The following KIF14 variants were observed in gnomAD, a reference collection of about 807,000 sequenced individuals.
KIF14 encodes kinesin-like protein KIF14.
KIF14 carries 98 observed loss-of-function variants against 176.2 expected under a neutral mutation model. That is an observed-to-expected ratio of 0.56 (90% confidence interval 0.47 to 0.66). The LOEUF (loss-of-function observed/expected upper bound fraction) is 0.66. Among genes scored for constraint, KIF14 ranks in the 30% least tolerant of loss-of-function variants. The pLI is 0.00. For missense variants in KIF14, 1,751 were observed against 1,920.4 expected, an observed-to-expected ratio of 0.91 and a Z score of 1.65; for synonymous variants, 566 against 632.2, an observed-to-expected ratio of 0.90 and a Z score of 1.57.
rs534268829 is a variant in KIF14 at position 200,572,542 on chromosome 1, A to C, written c.3567-2537T>G. ...GTATTTTTAGTAGAGACGGGGTTTC[A>C]CCGTGTTAGCCAGGATGGTCTCAAT... On this transcript the variant is annotated intron_variant, in intron 22 of 29. Coordinates refer to ENST00000367350, the MANE Select transcript of KIF14 (RefSeq NM_014875.3). Among the ~76,000 whole-genome samples the C allele has an allele frequency of 8.5e-5, 13 of 152,192 alleles. No individual in the cohort carries two copies. In the East Asian group the frequency reaches 2.5e-3, roughly 29 times the overall value.
chr1:200,570,077 G>T, intron 22 of KIF14, 72 bp from the exon 23 acceptor site: 1 of 707,018 alleles, frequency 1.4e-6, no homozygotes, highest in Non-Finnish European at 2.3e-6. Context: ...ATATTTATAA[G>T]TTCTCTAAAG....
chr1:200,573,457 G>T (rs61425725), intron 22 of KIF14, among the ~76,000 whole-genome samples: 2,189 of 85,992 alleles, frequency 0.025, 74 homozygotes, highest in African/African-American at 0.1. Flanking sequence ...TTTTTGAGAC[G>T]GAGTCCCGCT....
intron 25 of KIF14, among the ~76,000 whole-genome samples, chr1:200,561,545 A>C (rs1197243675): frequency 6.8e-6 from 1 of 146,530 alleles, no homozygotes; most frequent in East Asian, 2.0e-4. Flanking sequence ...TGTCTCACTG[A>C]TTTTCAAAAG....
intron 12 of KIF14, 119 bp downstream of exon 12, chr1:200,600,237 G>T (rs954620516): frequency 7.4e-6 from 9 of 1,211,816 alleles, no homozygotes; most frequent in Non-Finnish European, 1.1e-5. Context: ...TAATCTGGGA[G>T]TGGGCTGCTC....
rs764858855 is a variant in KIF14, at chr1:200,618,291, G to T, written c.433C>A (p.Leu145Met). 5 of 1,613,716 alleles carry T rather than the reference G, an allele frequency of 3.1e-6. No individual in the cohort carries two copies. The South Asian group carries it at 5.5e-5, about 18-fold the overall frequency. The change falls in exon 2 of 30, where the codon CTG (leucine) becomes ATG (methionine). Residue 145 changes from leucine (L) to methionine (M), a missense_variant. Transcript: ENST00000367350. Reference sequence around the variant, plus strand: ...TTTTCTGTTTCACCTCCCACATTCAGTGTCATTTTGACAGAATCTATTTCA... The same window carrying T: ...TTTTCTGTTTCACCTCCCACATTCATTGTCATTTTGACAGAATCTATTTCA... ...TAEIDSVKMT[L>M]NVGGETENNG...
rs200046579 is a variant in KIF14, at chr1:200,603,352, GA to G, written c.1864-12del. The G allele has an allele frequency of 7.5e-4, 1,021 of 1,359,544 alleles. No homozygotes were observed. Among genetic ancestry groups the G allele is most frequent in the South Asian group, 1.2e-3 (93 of 74,428 alleles). 84.2% of individuals were successfully genotyped at this position (1,359,544 alleles called of 1,614,324 possible). A position where few individuals can be genotyped will look rare whatever the true frequency, so the allele number is the denominator to read the frequency against. On this transcript the variant is annotated splice_polypyrimidine_tract_variant and intron_variant, in intron 9 of 29. Coordinates refer to ENST00000367350, the MANE Select transcript of KIF14 (RefSeq NM_014875.3). Reference sequence around the variant, plus strand: ...AATACTCACACCTTCCTGCATGCAAGAAAAAAAAAATTTTTAACTTAAAATA... The same window carrying G: ...AATACTCACACCTTCCTGCATGCAAGAAAAAAAAATTTTTAACTTAAAATA...
chr1:200,561,009 T>C, intron 25 of KIF14, 129 bp from the exon 26 acceptor site: 1 of 723,896 alleles, frequency 1.4e-6, no homozygotes, highest in Non-Finnish European at 2.3e-6. Flanking sequence ...GGCGGGTGGA[T>C]CGCCTGAGGT....
chr1:200,575,318 C>A (rs1325470572), intron 22 of KIF14, among the ~76,000 whole-genome samples: 1 of 152,012 alleles, frequency 6.6e-6, no homozygotes, highest in East Asian at 1.9e-4. Flanking sequence ...ATTTATGCTA[C>A]TCTAAGTTGC....
intron 4 of KIF14, among the ~76,000 whole-genome samples, chr1:200,609,767 A>AT (rs1660062346): frequency 1.3e-5 from 2 of 152,258 alleles, no homozygotes; most frequent in African/African-American, 4.8e-5. Context: ...ACTATTCACA[A>AT]TAGCCAAAAG....
chr1:200,607,658 G>A (rs937574874), intron 5 of KIF14, among the ~76,000 whole-genome samples: 1 of 152,106 alleles, frequency 6.6e-6, no homozygotes, highest in East Asian at 1.9e-4. Flanking sequence ...TCTTGATGTT[G>A]CCAATAGTAA....
At chr1:200,555,641 T>C (rs1656793721) in intron 27 of KIF14, among the ~76,000 whole-genome samples, 187 bp from the exon 28 acceptor site, 1 of 152,232 alleles carries the variant, frequency 6.6e-6, no homozygotes, top group Admixed American at 6.5e-5. Context: ...TCTTCAAAAA[T>C]AAATTGCACA....
chr1:200,570,869 C>T (rs1008163027), intron 22 of KIF14, among the ~76,000 whole-genome samples: 1 of 151,996 alleles, frequency 6.6e-6, no homozygotes, highest in African/African-American at 2.4e-5. Context: ...AGGCATAATA[C>T]CTGATGGTAT....
intron 23 of KIF14, among the ~76,000 whole-genome samples, chr1:200,569,160 G>C (rs1189645325): frequency 6.6e-6 from 1 of 151,914 alleles, no homozygotes; most frequent in African/African-American, 2.4e-5. Flanking sequence ...CCCGACCTCA[G>C]GTGATTCACC....
chr1:200,592,360 T>A, intron 15 of KIF14, 120 bp from the exon 16 acceptor site: 2 of 726,256 alleles, frequency 2.8e-6, no homozygotes, highest in South Asian at 2.2e-5. Context: ...ATAAACATCA[T>A]AGCAACTAAC....
At chr1:200,613,116 G>A (rs1322916569) in intron 4 of KIF14, among the ~76,000 whole-genome samples, 3 of 151,922 alleles carry the variant, frequency 2.0e-5, no homozygotes, top group East Asian at 1.9e-4. Context: ...TCGAACTCCT[G>A]ACCTCAGGTG....
intron 23 of KIF14, 69 bp from the exon 24 acceptor site, chr1:200,565,738 G>T (rs1657413729): frequency 6.0e-6 from 6 of 1,007,988 alleles, no homozygotes; most frequent in Middle Eastern, 3.2e-4. Flanking sequence ...TAAAAAAAGG[G>T]ATCCTTACTT....
chr1:200,585,653 G>A (rs771814585), intron 19 of KIF14, among the ~76,000 whole-genome samples: 2 of 152,120 alleles, frequency 1.3e-5, no homozygotes, highest in African/African-American at 2.4e-5. Context: ...GGGTTCCAGC[G>A]TCGGTCAGGT....
intron 22 of KIF14, among the ~76,000 whole-genome samples, chr1:200,570,535 AGTAGTG>A (rs1657721344): frequency 6.6e-6 from 1 of 152,168 alleles, no homozygotes; most frequent in Non-Finnish European, 1.5e-5. Flanking sequence ...GATAAATGAA[AGTAGTG>A]TACATGCGAA....
chr1:200,605,875 C>T lies in KIF14; in HGVS notation c.1627G>A (p.Ala543Thr), dbSNP rs375038217. The T allele has an allele frequency of 1.6e-5, 25 of 1,527,316 alleles. No homozygotes were observed. Among genetic ancestry groups the T allele is most frequent in the African/African-American group, 9.9e-5 (7 of 70,464 alleles). 94.6% of individuals were successfully genotyped at this position (1,527,316 alleles called of 1,614,324 possible). A position where few individuals can be genotyped will look rare whatever the true frequency, so the allele number is the denominator to read the frequency against. ...ALSMNIVSSY[A>T]DIQSWLELGN... ...AAAATCAATCTTACCTGGATATCAGCGTAAGAACTGACAATGTTCCTATTT... is the reference window on the plus strand; with the variant it reads ...AAAATCAATCTTACCTGGATATCAGTGTAAGAACTGACAATGTTCCTATTT... The change falls in exon 7 of 30, where the codon GCT becomes ACT. Residue 543 changes from alanine to threonine, a missense_variant. Coordinates refer to ENST00000367350, the MANE Select transcript of KIF14 (RefSeq NM_014875.3).
Sources: gnomAD v4.1 joint callset for allele counts (sites outside exome capture counted in the v4.1 genomes callset) on GRCh38, gnomAD v4.1.1 for gene constraint, MANE v1.5 for transcripts, NCBI Gene and HGNC (gene_info 2026-07-23, HGNC 2026-07-21) for gene names.